The following DNAH2 variants were observed in gnomAD, a reference collection of about 807,000 sequenced individuals.
DNAH2 encodes the protein dynein axonemal heavy chain 2.
DNAH2 carries 323 observed loss-of-function variants against 523.5 expected under a neutral mutation model. The ratio of observed to expected loss-of-function variants is 0.62; its 90% CI spans 0.56 to 0.68. The LOEUF (loss-of-function observed/expected upper bound fraction) is 0.68, where lower values mean the gene tolerates loss of function less well. DNAH2 is among the 30% of genes least tolerant of loss of function. The pLI is 0.00. For missense variants in DNAH2, 4,907 were observed against 5,701.5 expected (o/e 0.86, Z 4.49); for synonymous variants, 2,093 against 2,177.4 (o/e 0.96, Z 1.08).
chr17:7,731,561 G>C (rs899146429), intron 4 of DNAH2, among the ~76,000 whole-genome samples: 6 of 151,934 alleles, frequency 3.9e-5, no homozygotes, highest in Non-Finnish European at 5.9e-5. Context: ...TATGTATATA[G>C]CTATAGAAAA....
At chr17:7,818,492 G>A (rs758272303) in intron 69 of DNAH2, 32 bp downstream of exon 69, 4 of 1,611,766 alleles carry the variant, frequency 2.5e-6, no homozygotes, top group Non-Finnish European at 3.4e-6. Context: ...GACTGAGCTA[G>A]GGTGAAGCAG....
intron 48 of DNAH2, among the ~76,000 whole-genome samples, chr17:7,793,965 TG>T (rs1350612060): frequency 2.0e-5 from 3 of 151,652 alleles, no homozygotes; most frequent in African/African-American, 4.9e-5. Context: ...AAGACACAAA[TG>T]TTTTTTTACT....
In DNAH2 at chr17:7,778,111, C is replaced by T. The variant is rs773667857; in HGVS notation, c.5282C>T (p.Thr1761Met). 1.9e-5 allele frequency: 30 copies of T among 1,614,042 alleles called. No individual in the cohort carries two copies. Among genetic ancestry groups the T allele is most frequent in the Middle Eastern group, 3.3e-4 (2 of 6,084 alleles). The change falls in exon 34 of 86, where the codon ACG (threonine) becomes ATG (methionine). Residue 1761 changes from threonine (T) to methionine (M), a missense_variant. Thr to Met is a moderately conservative substitution (Grantham distance 81). Transcript: ENST00000572933. ...GACTGTGTCATCCGCCAGACCAACA[C>T]GCAATTTCAGTATAATTATGAGTAC... Reference protein sequence around the residue: ...LDDCVIRQTNTQFQYNYEYLG... With the variant: ...LDDCVIRQTNMQFQYNYEYLG...
At chr17:7,763,265 T>A (rs12450311) in intron 18 of DNAH2, among the ~76,000 whole-genome samples, 8,535 of 152,196 alleles carry the variant, frequency 0.056, 391 homozygotes, top group Admixed American at 0.12. Flanking sequence ...TTCAAGCCAT[T>A]CTCCTGCCTC....
chr17:7,756,581 A>G (rs537038344), intron 12 of DNAH2, among the ~76,000 whole-genome samples: 1 of 152,038 alleles, frequency 6.6e-6, no homozygotes, highest in African/African-American at 2.4e-5. Flanking sequence ...CCCCAGTGAA[A>G]TTCATTTTAA....
chr17:7,756,845 A>G (rs575086271), intron 12 of DNAH2, among the ~76,000 whole-genome samples: 1 of 151,250 alleles, frequency 6.6e-6, no homozygotes, highest in East Asian at 2.0e-4. Flanking sequence ...TAATTTTTGT[A>G]TTTTTTGTAG....
rs747325820 is a variant in DNAH2 at position 7,821,328 on chromosome 17, C to T, written c.11101C>T (p.Leu3701Phe). 1 of 1,613,846 alleles carries T rather than the reference C, an allele frequency of 6.2e-7. No individual in the cohort carries two copies. The highest frequency in any genetic ancestry group is 2.2e-5 in the East Asian group (1 of 44,874). Reference sequence around the variant, plus strand: ...CAAAATCTTGGAGACTTCTGGCAAGCTCAACATGGATGAATACAACTTCTT... The same window carrying T: ...CAAAATCTTGGAGACTTCTGGCAAGTTCAACATGGATGAATACAACTTCTT... ...CAKILETSGKLNMDEYNFFLR... is the reference protein window; with the variant it reads ...CAKILETSGKFNMDEYNFFLR... The change falls in exon 73 of 86, where the codon CTC becomes TTC. Residue 3701 changes from leucine (L) to phenylalanine (F), a missense_variant. By Grantham distance (22) the Leu-to-Phe change is conservative. Around this residue, in one of 3 missense-constraint regions of DNAH2, gnomAD observed 1,851 missense variants for 2,139.4 expected, o/e 0.87. Transcript: ENST00000572933. The surrounding 1 kb of genome is among the most constrained non-coding windows in gnomAD (Gnocchi z 5.0).
chr17:7,794,366 C>T lies in DNAH2; in HGVS notation c.7674+8C>T, dbSNP rs769435257. Reference sequence around the variant, plus strand: ...AACATGACCTTCCCCACAGTGAGGACCTCATGGGGGCTGCAGGACGAGGGG... The same window carrying T: ...AACATGACCTTCCCCACAGTGAGGATCTCATGGGGGCTGCAGGACGAGGGG... On this transcript the variant is annotated splice_region_variant and intron_variant, in intron 49 of 85. Transcript: ENST00000572933. 1.2e-6 allele frequency: 2 copies of T among 1,602,032 alleles called. No individual in the cohort carries two copies. The highest frequency in any genetic ancestry group is 2.7e-5 in the African/African-American group (2 of 74,338).
rs774043325 is a variant in DNAH2, at chr17:7,797,750, G to A, written c.8151G>A (p.Glu2717=). 6.2e-7 allele frequency: 1 copy of A among 1,614,170 alleles called. No homozygotes were observed. The highest frequency in any genetic ancestry group is 8.5e-7 in the Non-Finnish European group (1 of 1,180,044). The change falls in exon 53 of 86, where the codon GAG becomes GAA. Residue 2717 remains glutamate, a synonymous_variant. Coordinates refer to ENST00000572933, the MANE Select transcript of DNAH2 (RefSeq NM_020877.5). ...TGACAGTGCTGAAGACAGTCATGGAGACAGCTCTAAATGAGTATAACCTGT... is the reference window on the plus strand; with the variant it reads ...TGACAGTGCTGAAGACAGTCATGGAAACAGCTCTAAATGAGTATAACCTGT... ...TDLTVLKTVM[E]TALNEYNLSP...
rs572907872 is a variant in DNAH2 at position 7,726,522 on chromosome 17, C to T, written c.229-600C>T. Among the ~76,000 whole-genome samples, 8 of 149,118 alleles carry T rather than the reference C, an allele frequency of 5.4e-5. No individual in the cohort carries two copies. In the South Asian group the frequency reaches 1.3e-3, roughly 24 times the overall value. On this transcript the variant is annotated intron_variant, in intron 3 of 85. Transcript: ENST00000572933. ...TTCTCCATGTTGGTCAGGCTGGTCT[C>T]GAACTCCCGACCTCAGGTGATCCAC...
chr17:7,770,373 T>C lies in DNAH2; in HGVS notation c.4063T>C (p.Ser1355Pro). Residue 1355 changes from serine (S) to proline (P), a missense_variant, in exon 25 of 86, where the codon TCT (serine) becomes CCT (proline). By Grantham distance (74) the Ser-to-Pro change is moderately conservative. This residue lies in a region of DNAH2 where 2,806 missense variants were observed against 3,190.8 expected (regional missense o/e 0.88). Transcript: ENST00000572933. ...DQHVEKIGEI[S>P]ASATKELAIE... is the part of the protein sequence containing the mutation. ...GCATGTGGAGAAAATTGGGGAGATC[T>C]CTGCTTCAGCAACTAAAGAGCTGGC... is the stretch of plus-strand genomic sequence containing the variant. 2 of 1,613,946 alleles carry C rather than the reference T, an allele frequency of 1.2e-6. No homozygotes were observed. Among genetic ancestry groups the C allele is most frequent in the Non-Finnish European group, 1.7e-6 (2 of 1,179,920 alleles).
intron 11 of DNAH2, among the ~76,000 whole-genome samples, chr17:7,741,293 T>TCTTTCTTTCTTCCTTCCTTC (rs1555540783): frequency 3.2e-5 from 2 of 61,592 alleles, no homozygotes. Flanking sequence ...TTTCTTTCTT[T>TCTTTCTTTCTTCCTTCCTTC]CTTCCTTCCT....
At chr17:7,775,031 T>C (rs1597616122) in intron 29 of DNAH2, 55 bp downstream of exon 29, 11 of 1,566,576 alleles carry the variant, frequency 7.0e-6, no homozygotes, top group Non-Finnish European at 7.9e-6. Flanking sequence ...GGTGTTGGGG[T>C]ATGAAAAGCT....
intron 36 of DNAH2, 100 bp downstream of exon 36, chr17:7,779,523 A>C: frequency 7.7e-7 from 1 of 1,291,692 alleles, no homozygotes; most frequent in Non-Finnish European, 1.1e-6. Flanking sequence ...ATGCGAATGT[A>C]TATAGCTAAG....
At chr17:7,770,447 C>T in intron 25 of DNAH2, 39 bp downstream of exon 25, 1 of 1,611,942 alleles carries the variant, frequency 6.2e-7, no homozygotes, top group South Asian at 1.1e-5. Flanking sequence ...ACCTCCTGCG[C>T]CTCCTGGAGC....
intron 77 of DNAH2, 28 bp from the exon 78 acceptor site, chr17:7,830,272 C>T (rs757004497): frequency 1.2e-6 from 2 of 1,600,072 alleles, no homozygotes; most frequent in Non-Finnish European, 1.7e-6. Context: ...ATGCATGTCA[C>T]CCCATCTTTA....
chr17:7,755,354 GACCTTCTCCAGCCTTTCCCA>G, intron 12 of DNAH2, among the ~76,000 whole-genome samples: 1 of 151,328 alleles, frequency 6.6e-6, no homozygotes, highest in East Asian at 1.9e-4. Flanking sequence ...TTCCCACAAT[GACCTTCTCCAGCCTTTCCCA>G]CAGGGGCTCG....
Position 7,786,203 on chromosome 17 carries a change from T to C in DNAH2, c.6209T>C (p.Leu2070Ser). The C allele has an allele frequency of 6.2e-7, 1 of 1,613,832 alleles. No homozygotes were observed. The change falls in exon 40 of 86, where the codon TTG becomes TCG. Residue 2070 changes from leucine to serine, a missense_variant. By Grantham distance (145) the Leu-to-Ser change is moderately radical (BLOSUM62 -2). Transcript: ENST00000572933. This position sits in a 1 kb window ranked among gnomAD's most constrained non-coding sequence, Gnocchi z 7.5. Reference sequence around the variant, plus strand: ...TTCACCCTCACCAAGGTTTTCCAGTTGTATGAAACCAAGAACTCCCGCCAC... The same window carrying C: ...TTCACCCTCACCAAGGTTTTCCAGTCGTATGAAACCAAGAACTCCCGCCAC... ...TPFTLTKVFQ[L>S]YETKNSRHST...
chr17:7,775,399 AC>A, intron 30 of DNAH2, 57 bp downstream of exon 30: 1 of 1,536,470 alleles, frequency 6.5e-7, no homozygotes, highest in South Asian at 1.2e-5. Flanking sequence ...CAGAAAGTTC[AC>A]CTGGGTCGGG....
Sources: gnomAD v4.1 joint callset for allele counts (sites outside exome capture counted in the v4.1 genomes callset) on GRCh38, gnomAD v4.1.1 for gene constraint, gnomAD v4.1.1 regional missense constraint, Gnocchi (gnomAD v3.1) non-coding constraint, MANE v1.5 for transcripts, NCBI Gene and HGNC (gene_info 2026-07-23, HGNC 2026-07-21) for gene names.